The following C2orf42 variants were observed in gnomAD, a reference collection of about 807,000 sequenced individuals.
C2orf42 encodes chromosome 2 open reading frame 42.
Under a neutral mutation model 58.9 loss-of-function variants are expected in C2orf42, and 44 were observed. The observed-to-expected ratio is 0.75, with a 90% CI of 0.59 to 0.96. C2orf42 has a LOEUF of 0.96. Among genes scored for constraint, C2orf42 ranks in the 40% least tolerant of loss-of-function variants. C2orf42 has a pLI of 0.00. For synonymous variants in C2orf42, 239 were observed against 265.4 expected (o/e 0.90, Z 0.97); for missense variants, 630 against 699.2 (o/e 0.90, Z 1.12).
chr2:70,150,623 T>C (rs1672251262), intron 9 of C2orf42, 59 bp from the exon 10 acceptor site: 4 of 1,325,498 alleles, frequency 3.0e-6, no homozygotes, highest in Non-Finnish European at 3.2e-6. Context: ...GTGTTCCTAA[T>C]TGCAAAAAAA....
In C2orf42 at chr2:70,165,107, G is replaced by C; in HGVS notation, c.1338C>G (p.Ile446Met). The change falls in exon 8 of 10, where the codon ATC becomes ATG. Residue 446 changes from isoleucine (I) to methionine (M), a missense_variant. Coordinates refer to ENST00000264434, the MANE Select transcript of C2orf42 (RefSeq NM_017880.3). Reference protein sequence around the residue: ...HITNILQVKQILDTPEMPLEI... With the variant: ...HITNILQVKQMLDTPEMPLEI... Reference sequence around the variant, plus strand: ...AAACTCTCACCTCTGGGGTATCTAAGATTTGTTTAACTTGCAGGATATTAG... The same window carrying C: ...AAACTCTCACCTCTGGGGTATCTAACATTTGTTTAACTTGCAGGATATTAG... 6.3e-7 allele frequency: 1 copy of C among 1,589,068 alleles called. No homozygotes were observed. Among genetic ancestry groups the C allele is most frequent in the South Asian group, 1.1e-5 (1 of 89,214 alleles).
At chr2:70,182,225 G>A (rs530513269) in intron 2 of C2orf42, among the ~76,000 whole-genome samples, 3 of 151,940 alleles carry the variant, frequency 2.0e-5, no homozygotes, top group South Asian at 2.1e-4. Flanking sequence ...TCAGCCTCCC[G>A]AATAGCTGGG....
At chr2:70,176,365 G>A (rs948894683) in intron 4 of C2orf42, among the ~76,000 whole-genome samples, 1 of 151,986 alleles carries the variant, frequency 6.6e-6, no homozygotes, top group African/African-American at 2.4e-5. Flanking sequence ...TTAGCCGGGC[G>A]CGGTGGCAGG....
chr2:70,169,994 G>T (rs1167575098), intron 5 of C2orf42, among the ~76,000 whole-genome samples: 1 of 151,766 alleles, frequency 6.6e-6, no homozygotes, highest in Non-Finnish European at 1.5e-5. Flanking sequence ...CCTGACCTCA[G>T]GTGATCCACC....
intron 1 of C2orf42, among the ~76,000 whole-genome samples, chr2:70,187,126 AC>A (rs1374595334): frequency 2.6e-5 from 4 of 152,036 alleles, no homozygotes; most frequent in African/African-American, 9.6e-5. Context: ...ACAAAACAAA[AC>A]AAAAAAAAAA....
intron 4 of C2orf42, among the ~76,000 whole-genome samples, chr2:70,176,079 T>C (rs1327750899): frequency 6.6e-6 from 1 of 152,212 alleles, no homozygotes; most frequent in Non-Finnish European, 1.5e-5. Context: ...TCTGTGAATA[T>C]GTTATTGGTT....
rs1229061457 is a variant in C2orf42 at position 70,179,576 on chromosome 2, G to A, written c.890C>T (p.Ser297Phe). 1 of 1,568,916 alleles carries A rather than the reference G, an allele frequency of 6.4e-7. No homozygotes were observed. The highest frequency in any genetic ancestry group is 1.1e-5 in the South Asian group (1 of 89,864). Residue 297 changes from serine (S) to phenylalanine (F), a missense_variant, in exon 4 of 10, where the codon TCT becomes TTT. By Grantham distance (155) the Ser-to-Phe change is radical. Transcript: ENST00000264434. ...HSESTVSACE[S>F]TASKSKKRRK... ...CCTCTTCTTTGACTTAGAGGCAGTA[G>A]ACTCACAAGCAGATACTGTTGATTC...
Position 70,160,593 on chromosome 2 carries a change from C to G in C2orf42, c.1516+32G>C, listed in dbSNP as rs1208567043. Reference sequence around the variant, plus strand: ...ACTGTACTGTTCACCAGCTGACACTCAAAGGAAGATGCAGTTTTGAAGTTC... The same window carrying G: ...ACTGTACTGTTCACCAGCTGACACTGAAAGGAAGATGCAGTTTTGAAGTTC... On this transcript the variant is annotated intron_variant, in intron 9 of 9. Transcript: ENST00000264434. 1.9e-6 allele frequency: 3 copies of G among 1,546,412 alleles called. No homozygotes were observed. In the African/African-American group the frequency reaches 4.1e-5, roughly 21 times the overall value.
chr2:70,162,646 C>CA (rs1329119110), intron 8 of C2orf42, among the ~76,000 whole-genome samples: 51 of 146,834 alleles, frequency 3.5e-4, no homozygotes, highest in African/African-American at 7.7e-4. Context: ...CTGTCTCAAA[C>CA]AAAAAAAAAA....
chr2:70,189,889 T>C lies in C2orf42; in HGVS notation c.-282+1084A>G, dbSNP rs114152083. On this transcript the variant is annotated intron_variant, in intron 1 of 9. Coordinates refer to ENST00000264434, the MANE Select transcript of C2orf42 (RefSeq NM_017880.3). ...AAAAAAAAAAAGATACACTGTGGAG[T>C]GAAAAAAGTGCAGCACTTTGTAATA... Among the ~76,000 whole-genome samples, 492 of 147,730 alleles carry C rather than the reference T, an allele frequency of 3.3e-3. 4 individuals are homozygous for C. Among genetic ancestry groups the C allele is most frequent in the African/African-American group, 0.012 (470 of 40,132 alleles).
chr2:70,152,841 T>A (rs1228507351), intron 9 of C2orf42, among the ~76,000 whole-genome samples: 2 of 152,144 alleles, frequency 1.3e-5, no homozygotes, highest in Admixed American at 1.3e-4. Context: ...GAGACCAGCC[T>A]GATCAAGATG....
Position 70,181,761 on chromosome 2 carries a change from G to A in C2orf42, c.225C>T (p.Tyr75=), listed in dbSNP as rs1196133538. The A allele has an allele frequency of 1.2e-6, 2 of 1,614,138 alleles. No homozygotes were observed. Among genetic ancestry groups the A allele is most frequent in the Non-Finnish European group, 1.7e-6 (2 of 1,179,972 alleles). ...KIITGSDLQV[Y]SVRQRDRGPD... is the part of the protein sequence containing the mutation. ...GGCCCCGGTCTCTTTGCCGCACTGA[G>A]TAGACCTGAAGATCAGAGCCTGTAA... The change falls in exon 3 of 10, where the codon TAC becomes TAT. Residue 75 remains tyrosine, a synonymous_variant. Coordinates refer to ENST00000264434, the MANE Select transcript of C2orf42 (RefSeq NM_017880.3).
chr2:70,156,019 G>T (rs920436904), intron 9 of C2orf42, among the ~76,000 whole-genome samples: 25 of 152,006 alleles, frequency 1.6e-4, no homozygotes, highest in Middle Eastern at 3.4e-3. Flanking sequence ...GCTGGGCATG[G>T]TGGCACATGC....
intron 1 of C2orf42, among the ~76,000 whole-genome samples, chr2:70,187,966 C>T (rs1218225542): frequency 6.6e-6 from 1 of 152,090 alleles, no homozygotes; most frequent in Non-Finnish European, 1.5e-5. Flanking sequence ...TCTGGGATTA[C>T]AGGCATAAGC....
intron 5 of C2orf42, among the ~76,000 whole-genome samples, chr2:70,174,815 C>T (rs550340894): frequency 1.3e-3 from 200 of 152,132 alleles, no homozygotes; most frequent in Non-Finnish European, 2.3e-3. Context: ...GGATTACAGA[C>T]GTCTGCCACC....
chr2:70,175,143 G>A (rs887482444), intron 5 of C2orf42, among the ~76,000 whole-genome samples: 1 of 152,004 alleles, frequency 6.6e-6, no homozygotes, highest in Non-Finnish European at 1.5e-5. Context: ...GTTTGTTTAG[G>A]TAGAGACAGG....
In C2orf42 at chr2:70,168,897, TAG is replaced by T. The variant is rs541102893; in HGVS notation, c.1144+658_1144+659del. Among the ~76,000 whole-genome samples the T allele has an allele frequency of 3.0e-4, 46 of 152,064 alleles. 1 individual carries two copies. The South Asian group carries it at 9.5e-3, about 32-fold the overall frequency. ...CTGGCTAATTGTTTTGTATTTTTAG[TAG>T]AGATAGGGTTTCGCCATGTTGGCCA... On this transcript the variant is annotated intron_variant, in intron 6 of 9. Transcript: ENST00000264434.
intron 9 of C2orf42, among the ~76,000 whole-genome samples, chr2:70,153,139 T>C (rs1480907568): frequency 6.6e-6 from 1 of 152,028 alleles, no homozygotes; most frequent in African/African-American, 2.4e-5. Context: ...CCTTGAAAAC[T>C]ATATATGCGG....
intron 5 of C2orf42, among the ~76,000 whole-genome samples, chr2:70,172,388 T>C (rs1290700928): frequency 6.6e-6 from 1 of 151,202 alleles, no homozygotes. Context: ...TTTCTTAAAA[T>C]ATCTTTATTC....
Sources: allele counts gnomAD v4.1 joint callset (sites outside exome capture counted in the v4.1 genomes callset), GRCh38; gene constraint gnomAD v4.1.1; transcripts MANE v1.5; gene names NCBI Gene and HGNC (gene_info 2026-07-23, HGNC 2026-07-21).